The following EXOSC10 variants were observed in gnomAD, a reference collection of about 807,000 sequenced individuals.
EXOSC10 encodes exosome complex component 10.
In EXOSC10, 94 loss-of-function variants were observed where a neutral mutation model predicts 126.6. The observed-to-expected ratio is 0.74, with a 90% CI of 0.63 to 0.88. EXOSC10 has a LOEUF of 0.88. Ranked by LOEUF, EXOSC10 falls within the 40% of genes least tolerant of loss-of-function variation. The pLI is 0.00. For synonymous variants in EXOSC10, 395 were observed against 400.8 expected, an observed-to-expected ratio of 0.99 and a Z score of 0.17; for missense variants, 1,041 against 1,100.5, an observed-to-expected ratio of 0.95 and a Z score of 0.77.
At chr1:11,091,681 T>A (rs1299555913) in intron 3 of EXOSC10, 84 bp from the exon 4 acceptor site, 1 of 1,017,450 alleles carries the variant, frequency 9.8e-7, no homozygotes, top group Non-Finnish European at 1.5e-6. Context: ...TTATTTAACA[T>A]GGAGTATCAC....
intron 14 of EXOSC10, among the ~76,000 whole-genome samples, chr1:11,079,499 T>C (rs1221659779): frequency 6.7e-6 from 1 of 148,742 alleles, no homozygotes; most frequent in African/African-American, 2.5e-5. Context: ...ATTCAAGCAA[T>C]TCTCCTGCCT....
At chr1:11,096,244 G>A (rs1408183559) in intron 2 of EXOSC10, among the ~76,000 whole-genome samples, 2 of 151,718 alleles carry the variant, frequency 1.3e-5, no homozygotes, top group South Asian at 2.1e-4. Flanking sequence ...TCCGACTCCC[G>A]GATTCAAGCG....
chr1:11,073,286 C>T (rs925157380), intron 19 of EXOSC10, among the ~76,000 whole-genome samples: 14 of 152,134 alleles, frequency 9.2e-5, no homozygotes, highest in East Asian at 1.9e-4. Flanking sequence ...GCGCCTGCCA[C>T]GACGCCTGGC....
At chr1:11,080,973 G>A in intron 11 of EXOSC10, 61 bp from the exon 12 acceptor site, 4 of 1,574,016 alleles carry the variant, frequency 2.5e-6, no homozygotes, top group South Asian at 1.2e-5. Context: ...CTGGGCTCTG[G>A]AAAATGTTTG....
chr1:11,091,354 G>C, intron 4 of EXOSC10, 139 bp downstream of exon 4: 1 of 924,752 alleles, frequency 1.1e-6, no homozygotes, highest in South Asian at 1.7e-5. Flanking sequence ...TAATTAGTTT[G>C]TGTATGTTTA....
chr1:11,082,019 T>C (rs1328442988), intron 10 of EXOSC10, among the ~76,000 whole-genome samples: 2 of 150,064 alleles, frequency 1.3e-5, no homozygotes, highest in Non-Finnish European at 3.0e-5. Flanking sequence ...GAGGCAGAGG[T>C]TGTGGTGAGC....
At chr1:11,068,251 C>T (rs1025122317) in intron 23 of EXOSC10, among the ~76,000 whole-genome samples, 167 bp from the exon 24 acceptor site, 7 of 152,148 alleles carry the variant, frequency 4.6e-5, no homozygotes, top group African/African-American at 9.7e-5. Flanking sequence ...CGCCAGGATG[C>T]GCTGCAAGAG....
At chr1:11,094,500 C>G (rs1640963743) in intron 3 of EXOSC10, among the ~76,000 whole-genome samples, 2 of 151,574 alleles carry the variant, frequency 1.3e-5, no homozygotes, top group Non-Finnish European at 2.9e-5. Context: ...TTTACCATGT[C>G]CGCCAGGCTG....
In EXOSC10 at chr1:11,098,095, T is replaced by C. The variant is rs1641216316; in HGVS notation, c.173A>G (p.Asp58Gly). 1 of 1,613,208 alleles carries C rather than the reference T, an allele frequency of 6.2e-7. No individual in the cohort carries two copies. Among genetic ancestry groups the C allele is most frequent in the Admixed American group, 1.7e-5 (1 of 59,804 alleles). ...KASGGLPQFG[D>G]EYDFYRSFPG... ...AAAACTTCGGTAAAAATCATACTCA[T>C]CGCCAAACTGTGGTAGGCCCCCAGA... is the stretch of plus-strand genomic sequence containing the variant. The change falls in exon 2 of 25, where the codon GAT becomes GGT. Residue 58 changes from aspartate (D) to glycine (G), a missense_variant. By Grantham distance (94) the Asp-to-Gly change is moderately conservative (BLOSUM62 -1). This residue lies in a region of EXOSC10 where 645 missense variants were observed against 656.3 expected (regional missense o/e 0.98). Coordinates refer to ENST00000376936, the MANE Select transcript of EXOSC10 (RefSeq NM_001001998.3).
Position 11,080,759 on chromosome 1 carries a change from C to T in EXOSC10, c.1586+5G>A. On this transcript the variant is annotated splice_donor_5th_base_variant and intron_variant, in intron 12 of 24. Coordinates refer to ENST00000376936, the MANE Select transcript of EXOSC10 (RefSeq NM_001001998.3). ...CAAGTATTAAAAGAACCTCTAATCCCTTACCCGTAACTTTCATCTTCCCTG... is the reference window on the plus strand; with the variant it reads ...CAAGTATTAAAAGAACCTCTAATCCTTTACCCGTAACTTTCATCTTCCCTG... The T allele has an allele frequency of 6.2e-7, 1 of 1,614,124 alleles. No homozygotes were observed. The highest frequency in any genetic ancestry group is 1.1e-5 in the South Asian group (1 of 91,078).
chr1:11,080,958 G>A, intron 11 of EXOSC10, 46 bp from the exon 12 acceptor site: 1 of 1,581,136 alleles, frequency 6.3e-7, no homozygotes. Flanking sequence ...AATCAAAATT[G>A]TGCCCTGGGC....
intron 20 of EXOSC10, chr1:11,071,859 CCAA>C (rs1639516666): frequency 2.3e-6 from 1 of 438,214 alleles, no homozygotes; most frequent in East Asian, 3.8e-5. Flanking sequence ...ACTGCCTTCT[CCAA>C]CCACCAACGA....
rs542374911 is a variant in EXOSC10, at chr1:11,085,499, A to G, written c.1089+1949T>C. Among the ~76,000 whole-genome samples the G allele has an allele frequency of 3.4e-3, 520 of 152,320 alleles. 9 individuals carry two copies. The highest frequency in any genetic ancestry group is 0.026 in the Admixed American group (396 of 15,292). ...TCCTGAGACTTTGCTGAAGTTGCTT[A>G]TCAGCTTAAGGAGATTTTGGGCTGA... On this transcript the variant is annotated intron_variant, in intron 9 of 24. Transcript: ENST00000376936.
In EXOSC10 at chr1:11,080,542, G is replaced by A. The variant is rs1557704041; in HGVS notation, c.1594C>T (p.Leu532=). ...RREDESYGYV[L]PNHMMLKIAE... The stretch of plus-strand genomic sequence containing the variant: ...ATTTTCAGCATCATGTGGTTTGGCA[G>A]TACATATCTGGAAAAAAAAAAACAC... The change falls in exon 13 of 25, where the codon CTG becomes TTG. Residue 532 remains leucine, a synonymous_variant. Transcript: ENST00000376936. 6.5e-7 allele frequency: 1 copy of A among 1,537,448 alleles called. No individual in the cohort carries two copies. Among genetic ancestry groups the A allele is most frequent in the Non-Finnish European group, 8.9e-7 (1 of 1,119,780 alleles).
At chr1:11,098,953 G>A (rs1191311016) in intron 1 of EXOSC10, among the ~76,000 whole-genome samples, 1 of 152,224 alleles carries the variant, frequency 6.6e-6, no homozygotes, top group Non-Finnish European at 1.5e-5. Context: ...GGTAGCTTAT[G>A]AGCATGACCG....
At chr1:11,079,080 C>T (rs1639988764) in intron 14 of EXOSC10, among the ~76,000 whole-genome samples, 1 of 152,078 alleles carries the variant, frequency 6.6e-6, no homozygotes, top group Non-Finnish European at 1.5e-5. Flanking sequence ...CCTGTAATCC[C>T]AGCACTTTGG....
At chr1:11,099,305 CAG>C (rs1641290993) in intron 1 of EXOSC10, among the ~76,000 whole-genome samples, 1 of 152,194 alleles carries the variant, frequency 6.6e-6, no homozygotes, top group Non-Finnish European at 1.5e-5. Flanking sequence ...ACTTCAGAAA[CAG>C]AGGAAGAGAA....
chr1:11,091,711 T>C (rs1640816447), intron 3 of EXOSC10, 114 bp from the exon 4 acceptor site: 2 of 767,818 alleles, frequency 2.6e-6, no homozygotes, highest in Non-Finnish European at 4.3e-6. Flanking sequence ...CAGGCTGGAG[T>C]GCAGTGGCGC....
At position 11,089,271 on chromosome 1, in the gene EXOSC10, T is replaced by G. The variant is rs531703443; in HGVS notation, c.759-1073A>C. ...TGAGCCTTACCTACTATTTGAATCC[T>G]AATAAGAAAGGCAGAGCAGTATAGT... is the stretch of plus-strand genomic sequence containing the variant. On this transcript the variant is annotated intron_variant, in intron 6 of 24. Transcript: ENST00000376936. Among the ~76,000 whole-genome samples the G allele has an allele frequency of 1.0e-3, 149 of 144,600 alleles. 1 individual carries two copies. The highest frequency in any genetic ancestry group is 5.4e-3 in the South Asian group (24 of 4,432). The allele number at this position is 144,600 out of a possible 152,430, so 94.9% of individuals were successfully genotyped here. A position where few individuals can be genotyped will look rare whatever the true frequency, so the allele number is the denominator to read the frequency against.
Sources: gnomAD v4.1 joint callset for allele counts (sites outside exome capture counted in the v4.1 genomes callset) on GRCh38, gnomAD v4.1.1 for gene constraint, gnomAD v4.1.1 regional missense constraint, MANE v1.5 for transcripts, NCBI Gene and HGNC (gene_info 2026-07-23, HGNC 2026-07-21) for gene names.